WNK1: variants seen among roughly 807,000 people sequenced by gnomAD.
The protein encoded by WNK1 is serine/threonine-protein kinase WNK1.
In WNK1, 38 loss-of-function variants were observed where a neutral mutation model predicts 222.8. The ratio of observed to expected loss-of-function variants is 0.17; its 90% confidence interval spans 0.13 to 0.22. WNK1 has a LOEUF of 0.22. Ranked by LOEUF, WNK1 falls within the 10% of genes least tolerant of loss-of-function variation. WNK1 has a pLI of 1.00. For missense variants in WNK1, 2,348 were observed against 2,918.4 expected (o/e 0.80, Z 4.50); for synonymous variants, 1,090 against 1,092.9 (o/e 1.00, Z 0.05).
At chr12:773,185 G>C (rs1270750122) in intron 1 of WNK1, among the ~76,000 whole-genome samples, 2 of 152,148 alleles carry the variant, frequency 1.3e-5, no homozygotes, top group Non-Finnish European at 2.9e-5. Flanking sequence ...TTGAACCCGG[G>C]AGGCGGAGGT....
At chr12:879,307 G>A (rs1441861973) in intron 10 of WNK1, among the ~76,000 whole-genome samples, 1 of 151,714 alleles carries the variant, frequency 6.6e-6, no homozygotes, top group Non-Finnish European at 1.5e-5. Context: ...AAATGCTGAA[G>A]CATTAGCAAA....
intron 4 of WNK1, among the ~76,000 whole-genome samples, chr12:847,004 A>G (rs1950070146): frequency 6.6e-6 from 1 of 152,210 alleles, no homozygotes; most frequent in Admixed American, 6.5e-5. Context: ...TTGTAAAAGA[A>G]AAGTTCCAGT....
At chr12:762,887 C>T (rs1276997194) in intron 1 of WNK1, among the ~76,000 whole-genome samples, 1 of 146,378 alleles carries the variant, frequency 6.8e-6, no homozygotes, top group African/African-American at 2.4e-5. Context: ...GCTGGGATTA[C>T]AGGAAGGCGC....
intron 1 of WNK1, among the ~76,000 whole-genome samples, chr12:768,459 C>G (rs1334451812): frequency 6.6e-6 from 1 of 151,932 alleles, no homozygotes; most frequent in Non-Finnish European, 1.5e-5. Context: ...TTCTTTATGT[C>G]TCCACAGATT....
chr12:817,840 C>A (rs1201854343), intron 2 of WNK1, among the ~76,000 whole-genome samples: 1 of 109,948 alleles, frequency 9.1e-6, no homozygotes, highest in African/African-American at 3.1e-5. Flanking sequence ...GTAATCCCAG[C>A]TACCCGGGAG....
chr12:884,047 G>T lies in WNK1; in HGVS notation c.3722-74G>T. On this transcript the variant is annotated intron_variant, in intron 17 of 27. Transcript: ENST00000315939. The surrounding 1 kb of genome is among the most constrained non-coding windows in gnomAD (Gnocchi z 5.6). ...TGCCTCAAAAAAAGCAGTTGTATGT[G>T]CCAATAATGAAGTCTAACAATATTT... is the stretch of plus-strand genomic sequence containing the variant. The T allele has an allele frequency of 6.2e-7, 1 of 1,601,382 alleles. No homozygotes were observed. Among genetic ancestry groups the T allele is most frequent in the Non-Finnish European group, 8.5e-7 (1 of 1,170,786 alleles).
intron 9 of WNK1, among the ~76,000 whole-genome samples, chr12:877,144 ACCTCCG>A (rs1952703459): frequency 7.1e-6 from 1 of 141,100 alleles, no homozygotes; most frequent in African/African-American, 2.7e-5. Flanking sequence ...GCTCACTGCA[ACCTCCG>A]CCTCCCAGGT....
chr12:801,883 G>A (rs1353140449), intron 1 of WNK1, among the ~76,000 whole-genome samples: 2 of 152,162 alleles, frequency 1.3e-5, no homozygotes, highest in Non-Finnish European at 2.9e-5. Flanking sequence ...TGTACAATGT[G>A]TATTTACTTT....
intron 15 of WNK1, 134 bp from the exon 16 acceptor site, chr12:883,261 A>G: frequency 3.5e-6 from 4 of 1,155,048 alleles, no homozygotes; most frequent in Non-Finnish European, 5.0e-6. Flanking sequence ...TGAAGTTCTT[A>G]AAAAGAGAAG....
chr12:776,548 A>G (rs1458387475), intron 1 of WNK1, among the ~76,000 whole-genome samples: 3 of 151,608 alleles, frequency 2.0e-5, no homozygotes, highest in African/African-American at 7.3e-5. Context: ...CTTCTGCTTC[A>G]GCCTCCCGAG....
At chr12:769,170 A>G (rs970312034) in intron 1 of WNK1, among the ~76,000 whole-genome samples, 1 of 151,832 alleles carries the variant, frequency 6.6e-6, no homozygotes, top group Non-Finnish European at 1.5e-5. Flanking sequence ...CAAACATAAC[A>G]GTTGTCCCAG....
intron 4 of WNK1, among the ~76,000 whole-genome samples, chr12:835,331 C>T (rs780982027): frequency 2.0e-5 from 3 of 151,764 alleles, no homozygotes; most frequent in Non-Finnish European, 2.9e-5. Flanking sequence ...GAGTGAAAGC[C>T]TGTCTTAAAA....
chr12:905,277 G>A (rs554372915), intron 26 of WNK1, among the ~76,000 whole-genome samples: 7 of 152,200 alleles, frequency 4.6e-5, no homozygotes, highest in African/African-American at 1.7e-4. Context: ...AAAATGATAG[G>A]TTTGTTTCAT....
At chr12:888,653 A>G (rs972543334) in intron 20 of WNK1, among the ~76,000 whole-genome samples, 5 of 152,330 alleles carry the variant, frequency 3.3e-5, no homozygotes, top group African/African-American at 1.2e-4. Flanking sequence ...GAAGAAGTAT[A>G]CATGTAAGAA....
At chr12:858,028 C>T (rs545730183) in intron 5 of WNK1, among the ~76,000 whole-genome samples, 1 of 152,200 alleles carries the variant, frequency 6.6e-6, no homozygotes, top group Non-Finnish European at 1.5e-5. Flanking sequence ...TTCACCTCTC[C>T]AGTCTCGTTC....
At chr12:771,449 C>A (rs1162503973) in intron 1 of WNK1, among the ~76,000 whole-genome samples, 1 of 152,024 alleles carries the variant, frequency 6.6e-6, no homozygotes, top group East Asian at 1.9e-4. Context: ...TGTAGTTCAG[C>A]TATTTATTAG....
chr12:867,807 G>C (rs921361792), intron 8 of WNK1: 13 of 1,593,100 alleles, frequency 8.2e-6, no homozygotes, highest in Non-Finnish European at 1.1e-5. Flanking sequence ...AGTTGTGCAT[G>C]TCTGATGTAA....
chr12:894,028 G>A (rs1357634871), intron 22 of WNK1, among the ~76,000 whole-genome samples: 1 of 151,436 alleles, frequency 6.6e-6, no homozygotes, highest in East Asian at 2.0e-4. Context: ...GACCAGCCTG[G>A]ACAACGTGGT....
intron 2 of WNK1, among the ~76,000 whole-genome samples, chr12:821,817 T>C (rs559564157): frequency 1.5e-4 from 23 of 152,296 alleles, no homozygotes; most frequent in Non-Finnish European, 2.6e-4. Context: ...TTTTTACTTA[T>C]TTTGCCTGAT....
Sources: gnomAD v4.1 joint callset for allele counts (sites outside exome capture counted in the v4.1 genomes callset) on GRCh38, gnomAD v4.1.1 for gene constraint, Gnocchi (gnomAD v3.1) non-coding constraint, MANE v1.5 for transcripts, NCBI Gene and HGNC (gene_info 2026-07-23, HGNC 2026-07-21) for gene names.